RPH3AL: variants seen among roughly 807,000 people sequenced by gnomAD.
RPH3AL encodes rab effector Noc2.
Under a neutral mutation model 43.1 loss-of-function variants are expected in RPH3AL, and 38 were observed. The observed-to-expected ratio is 0.88, with a 90% CI of 0.68 to 1.15. RPH3AL has a LOEUF of 1.15. Among genes scored for constraint, RPH3AL ranks in the 50% most tolerant of loss-of-function variants. The pLI, the probability that RPH3AL is intolerant of heterozygous loss-of-function variation, is 0.00. For missense variants in RPH3AL, 462 were observed against 423.2 expected, an observed-to-expected ratio of 1.09 and a Z score of -0.81; for synonymous variants, 189 against 176.3, an observed-to-expected ratio of 1.07 and a Z score of -0.57.
At chr17:218,637 G>GT (rs1027060806) in intron 8 of RPH3AL, among the ~76,000 whole-genome samples, 2 of 152,194 alleles carry the variant, frequency 1.3e-5, no homozygotes, top group African/African-American at 4.8e-5. Context: ...TCCTTTGTGT[G>GT]TTTGAAGGAC....
intron 6 of RPH3AL, among the ~76,000 whole-genome samples, chr17:251,375 T>C: frequency 6.6e-6 from 1 of 152,184 alleles, no homozygotes; most frequent in East Asian, 1.9e-4. Flanking sequence ...CCCAGAAGCA[T>C]CGAAGAAGCT....
chr17:269,083 T>C (rs1225742378), intron 6 of RPH3AL, among the ~76,000 whole-genome samples: 1 of 152,198 alleles, frequency 6.6e-6, no homozygotes, highest in East Asian at 1.9e-4. Context: ...TTTCACCGTG[T>C]TAGCCAGGAT....
Position 246,623 on chromosome 17 carries a change from C to T in RPH3AL, c.613+488G>A, listed in dbSNP as rs1555540110. ...GGGCGGCCACCTGAGACACACACAC[C>T]TTACTGTAGCCACCAGAACGCCCAG... On this transcript the variant is annotated intron_variant, in intron 7 of 9. Transcript: ENST00000331302. This position sits in a 1 kb window ranked among gnomAD's most constrained non-coding sequence, Gnocchi z 4.8. 6.6e-6 allele frequency among the ~76,000 whole-genome samples: 1 copy of T among 152,168 alleles called. No homozygotes were observed. Among genetic ancestry groups the T allele is most frequent in the African/African-American group, 2.4e-5 (1 of 41,438 alleles).
intron 1 of RPH3AL, among the ~76,000 whole-genome samples, chr17:335,292 C>T (rs12951485): frequency 0.74 from 112,601 of 151,972 alleles, 42,196 homozygotes; most frequent in South Asian, 0.79. Flanking sequence ...AGGCGGCGGA[C>T]GGAGGGGCTG....
chr17:332,657 T>G (rs1052969051), intron 2 of RPH3AL: 1 of 229,538 alleles, frequency 4.4e-6, no homozygotes, highest in Admixed American at 4.9e-5. Flanking sequence ...CTAACCAGGC[T>G]CTGCGACTTG....
At chr17:221,371 C>T (rs531777893) in intron 7 of RPH3AL, among the ~76,000 whole-genome samples, 143 of 142,406 alleles carry the variant, frequency 1.0e-3, no homozygotes, top group African/African-American at 3.4e-3. Flanking sequence ...CTGAGGGCTC[C>T]ACTCACTGAG....
chr17:314,048 G>A (rs1164258752), intron 5 of RPH3AL, among the ~76,000 whole-genome samples: 2 of 152,144 alleles, frequency 1.3e-5, no homozygotes, highest in Non-Finnish European at 2.9e-5. Context: ...CCAGAGTAGC[G>A]TGGGGACCCA....
At chr17:317,012 G>T (rs1385002744) in intron 5 of RPH3AL, among the ~76,000 whole-genome samples, 3 of 140,682 alleles carry the variant, frequency 2.1e-5, no homozygotes, top group African/African-American at 5.4e-5. Context: ...CCATTGACCT[G>T]TAGTCTCTGT....
At chr17:268,980 G>A (rs911278139) in intron 6 of RPH3AL, among the ~76,000 whole-genome samples, 10 of 152,136 alleles carry the variant, frequency 6.6e-5, no homozygotes, top group Non-Finnish European at 1.5e-4. Flanking sequence ...CCGGGTTCAC[G>A]CCATTCTCCT....
At chr17:233,705 AG>A (rs2041283986) in intron 7 of RPH3AL, among the ~76,000 whole-genome samples, 1 of 152,172 alleles carries the variant, frequency 6.6e-6, no homozygotes, top group Admixed American at 6.5e-5. Context: ...TTCTTTTCAC[AG>A]GGATGTGAAA....
At chr17:346,327 A>C (rs556004280) in intron 1 of RPH3AL, among the ~76,000 whole-genome samples, 3 of 135,222 alleles carry the variant, frequency 2.2e-5, no homozygotes, top group Non-Finnish European at 5.1e-5. Context: ...CACGCTGCTG[A>C]TAAGGCATAC....
chr17:331,719 T>C, intron 2 of RPH3AL: 2 of 1,287,872 alleles, frequency 1.6e-6, no homozygotes, highest in Non-Finnish European at 2.0e-6. Context: ...CCTTCACCAG[T>C]GGGTAAACTA....
intron 1 of RPH3AL, among the ~76,000 whole-genome samples, chr17:340,534 G>A (rs12939166): frequency 0.48 from 1,160 of 2,400 alleles, 489 homozygotes; most frequent in Non-Finnish European, 0.56. Context: ...GCCTCCCCAC[G>A]TCCACACTCA....
chr17:280,295 G>T (rs773479386), intron 6 of RPH3AL, among the ~76,000 whole-genome samples: 2 of 152,116 alleles, frequency 1.3e-5, no homozygotes, highest in African/African-American at 4.8e-5. Flanking sequence ...CTGTTGAGGG[G>T]ATTTTCCACC....
intron 5 of RPH3AL, among the ~76,000 whole-genome samples, chr17:312,606 C>G (rs980678991): frequency 3.3e-5 from 5 of 152,222 alleles, no homozygotes; most frequent in African/African-American, 1.2e-4. Context: ...GTGGCCTCAG[C>G]AGGCAGGACC....
intron 5 of RPH3AL, among the ~76,000 whole-genome samples, chr17:307,423 C>A (rs545520170): frequency 2.7e-5 from 4 of 150,412 alleles, no homozygotes; most frequent in African/African-American, 9.8e-5. Flanking sequence ...GGCAGATCCT[C>A]CCCACGGCAG....
intron 5 of RPH3AL, among the ~76,000 whole-genome samples, chr17:304,742 C>T (rs558850503): frequency 7.2e-5 from 11 of 152,074 alleles, no homozygotes; most frequent in South Asian, 6.2e-4. Flanking sequence ...TTTCATGCCA[C>T]GTGACACTCT....
At chr17:269,764 C>T (rs1418593356) in intron 6 of RPH3AL, among the ~76,000 whole-genome samples, 9 of 152,192 alleles carry the variant, frequency 5.9e-5, no homozygotes, top group East Asian at 1.9e-4. Context: ...TGTGTGTGAA[C>T]GATGAACTCA....
chr17:316,958 T>TGTG, intron 5 of RPH3AL, among the ~76,000 whole-genome samples: 1 of 118,098 alleles, frequency 8.5e-6, no homozygotes, highest in Non-Finnish European at 1.7e-5. Flanking sequence ...CTGTAGTCTC[T>TGTG]CTACACCCAC....
Sources: allele counts gnomAD v4.1 joint callset (sites outside exome capture counted in the v4.1 genomes callset), GRCh38; gene constraint gnomAD v4.1.1; non-coding constraint Gnocchi (gnomAD v3.1); transcripts MANE v1.5; gene names NCBI Gene and HGNC (gene_info 2026-07-23, HGNC 2026-07-21).